ZDHHC7: variants seen among roughly 807,000 people sequenced by gnomAD.
ZDHHC7 encodes the protein zDHHC palmitoyltransferase 7.
In ZDHHC7, 12 loss-of-function variants were observed where a neutral mutation model predicts 34.1. The ratio of observed to expected loss-of-function variants is 0.35; its 90% CI spans 0.23 to 0.57. The LOEUF is 0.57. Ranked by LOEUF, ZDHHC7 falls within the 20% of genes least tolerant of loss-of-function variation. ZDHHC7 has a pLI of 0.84. For missense variants in ZDHHC7, 388 were observed against 402.7 expected (o/e 0.96, Z 0.31); for synonymous variants, 185 against 155.4 (o/e 1.19, Z -1.42).
intron 1 of ZDHHC7, among the ~76,000 whole-genome samples, chr16:85,001,753 T>C (rs914338697): frequency 6.6e-6 from 1 of 152,148 alleles, no homozygotes; most frequent in Non-Finnish European, 1.5e-5. Context: ...TGTTGTTGTT[T>C]AATATTCAAG....
At chr16:84,996,060 T>C (rs1040199575) in intron 1 of ZDHHC7, 53 bp from the exon 2 acceptor site, 2 of 152,158 alleles carry the variant, frequency 1.3e-5, no homozygotes, top group African/African-American at 4.8e-5. Context: ...ATGACAGACG[T>C]GTGTCATATT....
the ZDHHC7 span, among the ~76,000 whole-genome samples, chr16:85,022,748 C>A: frequency 6.6e-6 from 1 of 152,262 alleles, no homozygotes; most frequent in East Asian, 1.9e-4. Context: ...CATAGTATCA[C>A]CAATAATGAG....
At chr16:85,015,786 A>C (rs1000823741), upstream of ZDHHC7, among the ~76,000 whole-genome samples, 3 of 151,854 alleles carry the variant, frequency 2.0e-5, no homozygotes, top group African/African-American at 7.3e-5. Flanking sequence ...GTTGAGGCTG[A>C]TCATCCCACC....
upstream of ZDHHC7, among the ~76,000 whole-genome samples, chr16:85,012,565 G>C (rs2072808354): frequency 6.6e-6 from 1 of 151,654 alleles, no homozygotes. Flanking sequence ...AACCCAGAAG[G>C]GTATGCCAGA....
chr16:84,979,304 T>C lies in ZDHHC7; in HGVS notation c.441-19A>G. ...GCAAATACTGAAAAGGAGAGTTTGA[T>C]TTTTCAGTATTCCATGCTCTGAGGA... On this transcript the variant is annotated intron_variant, in intron 4 of 7. Coordinates refer to ENST00000313732, the MANE Select transcript of ZDHHC7 (RefSeq NM_017740.3). The C allele has an allele frequency of 6.2e-7, 1 of 1,606,224 alleles. No homozygotes were observed. Among genetic ancestry groups the C allele is most frequent in the South Asian group, 1.1e-5 (1 of 88,510 alleles).
chr16:85,007,946 G>C (rs2072739356), intron 1 of ZDHHC7, among the ~76,000 whole-genome samples: 1 of 151,950 alleles, frequency 6.6e-6, no homozygotes, highest in Non-Finnish European at 1.5e-5. Flanking sequence ...ATCATAGTGA[G>C]ACCCTATCTC....
At position 84,990,538 on chromosome 16, in the gene ZDHHC7, C is replaced by G. The variant is rs139426376; in HGVS notation, c.81G>C (p.Ser27=). ...CCACGTCAGCCTCGGAGGAGGAGGACGATGAAGAGTCATAGTTGTCATTTT... is the reference window on the plus strand; with the variant it reads ...CCACGTCAGCCTCGGAGGAGGAGGAGGATGAAGAGTCATAGTTGTCATTTT... ...LAENDNYDSS[S]SSSSEADVAD... is the part of the protein sequence containing the mutation. Residue 27 remains serine, a synonymous_variant, in exon 3 of 8, where the codon TCG becomes TCC. Transcript: ENST00000313732. 6.2e-7 allele frequency: 1 copy of G among 1,614,098 alleles called. No individual in the cohort carries two copies. Among genetic ancestry groups the G allele is most frequent in the African/African-American group, 1.3e-5 (1 of 75,006 alleles).
intron 1 of ZDHHC7, among the ~76,000 whole-genome samples, chr16:85,007,485 T>C (rs9938089): frequency 0.34 from 50,465 of 148,418 alleles, 9,647 homozygotes; most frequent in African/African-American, 0.52. Flanking sequence ...CCAAGATTAC[T>C]AAGACAAGGA....
Position 85,009,008 on chromosome 16 carries a change from G to A in ZDHHC7, c.-104+2278C>T, listed in dbSNP as rs1019060073. Among the ~76,000 whole-genome samples, 38 of 150,112 alleles carry A rather than the reference G, an allele frequency of 2.5e-4. 1 individual carries two copies. Among genetic ancestry groups the A allele is most frequent in the Admixed American group, 8.0e-4 (12 of 15,056 alleles). On this transcript the variant is annotated intron_variant, in intron 1 of 7. Coordinates refer to ENST00000313732, the MANE Select transcript of ZDHHC7 (RefSeq NM_017740.3). ...TGCAGGGAGCCAAGATCGAGCCACT[G>A]CACTCCAGCCTGGGCAACAAGAGCG...
chr16:84,978,169 C>G, intron 5 of ZDHHC7, 164 bp from the exon 6 acceptor site: 2 of 524,094 alleles, frequency 3.8e-6, no homozygotes, highest in Non-Finnish European at 3.4e-6. Flanking sequence ...TCTCAAGTAG[C>G]TGAGACTACA....
At chr16:84,995,833 T>C (rs1336004089) in intron 2 of ZDHHC7, 89 bp downstream of exon 2, 1 of 152,210 alleles carries the variant, frequency 6.6e-6, no homozygotes, top group African/African-American at 2.4e-5. Flanking sequence ...CTTTGCCACA[T>C]GCACAGGTTA....
upstream of ZDHHC7, among the ~76,000 whole-genome samples, chr16:85,015,728 C>T (rs1208003242): frequency 6.6e-6 from 1 of 151,860 alleles, no homozygotes; most frequent in Non-Finnish European, 1.5e-5. Flanking sequence ...CCCTGTAGTC[C>T]CAGCTCCTCA....
intron 3 of ZDHHC7, chr16:84,988,968 A>G (rs2072473583): frequency 7.9e-7 from 1 of 1,258,962 alleles, no homozygotes; most frequent in South Asian, 1.3e-5. Flanking sequence ...TTTGGGCAAC[A>G]AACAAGGGGT....
chr16:85,001,950 T>C (rs911803872), intron 1 of ZDHHC7, among the ~76,000 whole-genome samples: 4 of 152,038 alleles, frequency 2.6e-5, no homozygotes, highest in African/African-American at 9.7e-5. Context: ...AAGATGAGCT[T>C]GGAGCATCTT....
rs1228648524 is a variant in ZDHHC7, at chr16:84,975,536, G to C, written c.*807C>G. ...AGGAGGGCAACGAAGGGCCGCACAG[G>C]AACGGCTGTTCTTTGGATCGAGATG... is the stretch of plus-strand genomic sequence containing the variant. On this transcript the variant is annotated 3_prime_UTR_variant, in exon 8 of 8. Coordinates refer to ENST00000313732, the MANE Select transcript of ZDHHC7 (RefSeq NM_017740.3). 1 of 152,624 alleles carries C rather than the reference G, an allele frequency of 6.6e-6. No individual in the cohort carries two copies. The highest frequency in any genetic ancestry group is 2.4e-5 in the African/African-American group (1 of 41,450). The allele number at this position is 152,624 out of a possible 1,614,324, so 9.5% of individuals were successfully genotyped here. A position where few individuals can be genotyped will look rare whatever the true frequency, so the allele number is the denominator to read the frequency against.
At chr16:85,020,646 C>G in the ZDHHC7 span, among the ~76,000 whole-genome samples, 3 of 152,016 alleles carry the variant, frequency 2.0e-5, no homozygotes, top group Non-Finnish European at 4.4e-5. Context: ...TCTTTAAGGC[C>G]CTGCGAGGGT....
At position 84,975,469 on chromosome 16, in the gene ZDHHC7, C is replaced by G. The variant is rs930445987; in HGVS notation, c.*874G>C. On this transcript the variant is annotated 3_prime_UTR_variant, in exon 8 of 8. Transcript: ENST00000313732. ...TGGAACAAAAAAAAAAAATCAGTTC[C>G]AAGGCCCTCAAGCACTCAAGATTTC... 1 of 152,502 alleles carries G rather than the reference C, an allele frequency of 6.6e-6. No individual in the cohort carries two copies. The highest frequency in any genetic ancestry group is 6.5e-5 in the Admixed American group (1 of 15,280). 9.4% of individuals were successfully genotyped at this position (152,502 alleles called of 1,614,324 possible). A position where few individuals can be genotyped will look rare whatever the true frequency, so the allele number is the denominator to read the frequency against.
upstream of ZDHHC7, among the ~76,000 whole-genome samples, chr16:85,014,757 T>A (rs1195364595): frequency 6.6e-6 from 1 of 152,180 alleles, no homozygotes; most frequent in Non-Finnish European, 1.5e-5. Flanking sequence ...GAGTGACCAA[T>A]GGCCTAGGAC....
At chr16:85,014,275 G>C (rs1555517194), upstream of ZDHHC7, among the ~76,000 whole-genome samples, 3 of 152,226 alleles carry the variant, frequency 2.0e-5, no homozygotes, top group Admixed American at 1.3e-4. Context: ...TCACTGTATG[G>C]AGTGTAGAAG....
Sources: gnomAD v4.1 joint callset for allele counts (sites outside exome capture counted in the v4.1 genomes callset) on GRCh38, gnomAD v4.1.1 for gene constraint, MANE v1.5 for transcripts, NCBI Gene and HGNC (gene_info 2026-07-23, HGNC 2026-07-21) for gene names.